DENND1A: variants seen among roughly 807,000 people sequenced by gnomAD.
The protein encoded by DENND1A is DENN domain-containing protein 1A.
In DENND1A, 51 loss-of-function variants were observed where a neutral mutation model predicts 113.7. The ratio of observed to expected loss-of-function variants is 0.45; its 90% confidence interval spans 0.36 to 0.57. The LOEUF is 0.57. Ranked by LOEUF, DENND1A falls within the 20% of genes least tolerant of loss-of-function variation. DENND1A has a pLI of 0.00. For synonymous variants in DENND1A, 565 were observed against 570.8 expected (o/e 0.99, Z 0.14); for missense variants, 1,258 against 1,395.9 (o/e 0.90, Z 1.57).
intron 1 of DENND1A, among the ~76,000 whole-genome samples, chr9:123,922,515 G>A (rs1036426203): frequency 1.3e-5 from 2 of 152,160 alleles, no homozygotes; most frequent in Non-Finnish European, 2.9e-5. Context: ...TCTTGTAAAA[G>A]CCAGAGATAT....
At chr9:123,549,419 C>T (rs142597291) in intron 13 of DENND1A, among the ~76,000 whole-genome samples, 3 of 152,036 alleles carry the variant, frequency 2.0e-5, no homozygotes, top group African/African-American at 7.3e-5. Flanking sequence ...GGAGTGCGCA[C>T]CCTCCCACCC....
Position 123,411,784 on chromosome 9 carries a change from A to G in DENND1A, c.1534T>C (p.Ser512Pro), listed in dbSNP as rs766807844. 1.1e-4 allele frequency: 110 copies of G among 985,810 alleles called. No homozygotes were observed. The highest frequency in any genetic ancestry group is 1.3e-4 in the Non-Finnish European group (105 of 830,040). 61.1% of individuals were successfully genotyped at this position (985,810 alleles called of 1,614,324 possible). Residue 512 changes from serine (S) to proline (P), a missense_variant, in exon 20 of 24, where the codon TCG (serine) becomes CCG (proline). Ser to Pro is a moderately conservative substitution (Grantham distance 74). Coordinates refer to ENST00000394215, the MANE Select transcript of DENND1A (RefSeq NM_001352964.2). ...PTRPPPKIQR[S>P]RPVRPPRPHV... ...AACCACCAGCTACTCACGGGCCTCG[A>G]GCGCTGTATCTTGGGAGGCGGTCGG...
At chr9:123,811,497 T>C (rs565321446) in intron 2 of DENND1A, among the ~76,000 whole-genome samples, 89 of 152,338 alleles carry the variant, frequency 5.8e-4, no homozygotes, top group Non-Finnish European at 1.0e-3. Flanking sequence ...TGGTGGCTCA[T>C]GCCTGTAATC....
chr9:123,588,519 C>T (rs941773845), intron 11 of DENND1A, among the ~76,000 whole-genome samples: 4 of 144,854 alleles, frequency 2.8e-5, no homozygotes, highest in Non-Finnish European at 4.5e-5. Context: ...ACTTGGGAGG[C>T]TGAGGAAGGA....
intron 2 of DENND1A, among the ~76,000 whole-genome samples, chr9:123,804,195 T>A (rs901748193): frequency 6.6e-6 from 1 of 152,238 alleles, no homozygotes; most frequent in Admixed American, 6.5e-5. Context: ...GGAATTTCCA[T>A]GCACAAGCTC....
chr9:123,416,551 G>A (rs999893056), intron 19 of DENND1A, among the ~76,000 whole-genome samples: 1 of 152,244 alleles, frequency 6.6e-6, no homozygotes, highest in Non-Finnish European at 1.5e-5. Context: ...TGGCCGGGTT[G>A]AAATGTGGCT....
chr9:123,594,557 T>A (rs970434236), intron 11 of DENND1A, among the ~76,000 whole-genome samples: 1 of 151,726 alleles, frequency 6.6e-6, no homozygotes, highest in Admixed American at 6.6e-5. Context: ...CGGACCTTTG[T>A]TAGGCATACC....
chr9:123,463,166 G>C (rs1018803082), intron 13 of DENND1A, among the ~76,000 whole-genome samples: 1 of 152,210 alleles, frequency 6.6e-6, no homozygotes. Flanking sequence ...TTCAGGCCGT[G>C]AGTGTTCAAG....
chr9:123,847,913 G>A (rs1019832207), intron 2 of DENND1A, among the ~76,000 whole-genome samples: 2 of 152,162 alleles, frequency 1.3e-5, no homozygotes, highest in South Asian at 2.1e-4. Flanking sequence ...CAGCTTGGGC[G>A]ACAGAGCGAG....
intron 10 of DENND1A, among the ~76,000 whole-genome samples, chr9:123,629,295 C>A (rs1178712548): frequency 6.6e-6 from 1 of 152,220 alleles, no homozygotes; most frequent in Non-Finnish European, 1.5e-5. Flanking sequence ...GCAGTTAGTG[C>A]CTTTCCCTGT....
rs145330954 is a variant in DENND1A at position 123,383,823 on chromosome 9, G to C, written c.1851C>G (p.Gly617=). ...CCCGGTCAGGGGGAGCTGGGACAGG[G>C]CCTGTGGACTTCCGCACTTGCTGCT... ...SPEQQVRKST[G]PVPAPPDRAA... is the part of the protein sequence containing the mutation. The change falls in exon 23 of 24, where the codon GGC becomes GGG. Residue 617 remains glycine (G), a synonymous_variant. Coordinates refer to ENST00000394215, the MANE Select transcript of DENND1A (RefSeq NM_001352964.2). 7.1e-5 allele frequency: 115 copies of C among 1,613,954 alleles called. No homozygotes were observed. In the African/African-American group the frequency reaches 1.5e-3, roughly 21 times the overall value.
At chr9:123,910,847 G>A (rs1021724903) in intron 1 of DENND1A, among the ~76,000 whole-genome samples, 7 of 152,180 alleles carry the variant, frequency 4.6e-5, no homozygotes, top group African/African-American at 1.4e-4. Context: ...GGAGGTTGAG[G>A]CATAAGAATC....
intron 1 of DENND1A, among the ~76,000 whole-genome samples, chr9:123,889,298 G>A (rs913494800): frequency 2.0e-5 from 3 of 152,052 alleles, no homozygotes; most frequent in African/African-American, 7.2e-5. Flanking sequence ...CATCTCAAAA[G>A]TTGTTTCAGG....
chr9:123,482,129 G>A (rs2050393478), intron 13 of DENND1A, among the ~76,000 whole-genome samples: 2 of 151,950 alleles, frequency 1.3e-5, no homozygotes, highest in Non-Finnish European at 2.9e-5. Flanking sequence ...ACAGAGTCTC[G>A]CTCTGTTGCC....
intron 12 of DENND1A, among the ~76,000 whole-genome samples, chr9:123,581,552 G>A (rs751171600): frequency 1.1e-4 from 17 of 152,064 alleles, no homozygotes; most frequent in Non-Finnish European, 2.2e-4. Context: ...TTGAGCCCAG[G>A]AGGCAGAGGC....
intron 1 of DENND1A, among the ~76,000 whole-genome samples, chr9:123,894,115 A>T (rs1441442580): frequency 6.6e-6 from 1 of 152,070 alleles, no homozygotes; most frequent in Non-Finnish European, 1.5e-5. Flanking sequence ...GTTTCACTTC[A>T]CCTCTGTATT....
chr9:123,873,245 C>T (rs1846931489), intron 2 of DENND1A, among the ~76,000 whole-genome samples: 1 of 152,152 alleles, frequency 6.6e-6, no homozygotes, highest in South Asian at 2.1e-4. Context: ...TTATGAATTC[C>T]TAAAATATGG....
At chr9:123,551,825 C>G (rs1488915746) in intron 13 of DENND1A, among the ~76,000 whole-genome samples, 1 of 152,150 alleles carries the variant, frequency 6.6e-6, no homozygotes, top group Non-Finnish European at 1.5e-5. Flanking sequence ...CCCAACAAAC[C>G]CGCAGAAAGC....
intron 2 of DENND1A, among the ~76,000 whole-genome samples, chr9:123,833,448 A>G (rs973761512): frequency 2.0e-5 from 3 of 152,128 alleles, no homozygotes; most frequent in African/African-American, 7.2e-5. Flanking sequence ...CAAATTCCTT[A>G]GGGGGGAGAA....
Sources: allele counts gnomAD v4.1 joint callset (sites outside exome capture counted in the v4.1 genomes callset), GRCh38; gene constraint gnomAD v4.1.1; transcripts MANE v1.5; gene names NCBI Gene and HGNC (gene_info 2026-07-23, HGNC 2026-07-21).